The following SHISA9 variants were observed in gnomAD, a reference collection of about 807,000 sequenced individuals.
SHISA9 encodes the protein shisa family member 9, also known as protein shisa-9.
SHISA9 carries 13 observed loss-of-function variants against 38.0 expected under a neutral mutation model. That is an observed-to-expected ratio of 0.34 (90% CI 0.22 to 0.54). The LOEUF is 0.54. Among genes scored for constraint, SHISA9 ranks in the 20% least tolerant of loss-of-function variants. SHISA9 has a pLI of 0.91. For synonymous variants in SHISA9, 275 were observed against 242.0 expected (o/e 1.14, Z -1.27); for missense variants, 538 against 575.8 (o/e 0.93, Z 0.67).
the SHISA9 span, among the ~76,000 whole-genome samples, chr16:13,281,125 A>G: frequency 2.0e-5 from 3 of 151,856 alleles, no homozygotes; most frequent in Non-Finnish European, 4.4e-5. Context: ...TCTATGAGCC[A>G]GAGATGAAGA....
the SHISA9 span, among the ~76,000 whole-genome samples, chr16:13,299,286 A>G: frequency 2.0e-5 from 3 of 152,216 alleles, no homozygotes; most frequent in African/African-American, 7.2e-5. Context: ...TCAGATCATC[A>G]GGAATTAGAC....
At chr16:12,913,030 C>T (rs921836277) in intron 1 of SHISA9, among the ~76,000 whole-genome samples, 2 of 150,712 alleles carry the variant, frequency 1.3e-5, no homozygotes, top group Non-Finnish European at 2.9e-5. Flanking sequence ...TGATTTACAC[C>T]GAATCTCTCC....
intron 1 of SHISA9, among the ~76,000 whole-genome samples, chr16:12,915,351 C>T (rs994463956): frequency 3.3e-5 from 5 of 152,102 alleles, no homozygotes; most frequent in African/African-American, 1.2e-4. Flanking sequence ...GCCTGTGGTC[C>T]CAGCTATTCA....
chr16:13,534,204 C>G, the SHISA9 span, among the ~76,000 whole-genome samples: 1 of 150,246 alleles, frequency 6.7e-6, no homozygotes, highest in African/African-American at 2.4e-5. Flanking sequence ...CTCCATATGT[C>G]TCTTATCCAC....
the SHISA9 span, among the ~76,000 whole-genome samples, chr16:13,544,708 C>T: frequency 1.3e-5 from 2 of 151,884 alleles, no homozygotes; most frequent in Admixed American, 6.6e-5. Context: ...TTTGGGAGGC[C>T]GAGGTGGGCA....
intron 2 of SHISA9, among the ~76,000 whole-genome samples, chr16:13,052,958 T>C (rs547379121): frequency 3.5e-5 from 5 of 144,260 alleles, no homozygotes; most frequent in African/African-American, 1.4e-4. Flanking sequence ...TTCCTTCCTT[T>C]CTTTTTTTTT....
chr16:12,969,050 G>C (rs62029758), intron 2 of SHISA9, among the ~76,000 whole-genome samples: 25,724 of 151,696 alleles, frequency 0.17, 2,366 homozygotes, highest in East Asian at 0.31. Context: ...CCAGCTACTT[G>C]GAAGGCTGAG....
At chr16:13,506,246 T>G in the SHISA9 span, among the ~76,000 whole-genome samples, 6 of 152,110 alleles carry the variant, frequency 3.9e-5, no homozygotes, top group Non-Finnish European at 5.9e-5. Flanking sequence ...GACAACTATA[T>G]CCTGAGTATC....
rs534179539 is a variant in SHISA9 at position 12,943,487 on chromosome 16, A to G, written c.691+26672A>G. 2.0e-5 allele frequency among the ~76,000 whole-genome samples: 3 copies of G among 152,100 alleles called. No individual in the cohort carries two copies. The East Asian group carries it at 5.8e-4, about 29-fold the overall frequency. ...ATTTATATTTCCCTGTTTTGAATGT[A>G]TGATTGTTTATTTATATTTTACTTT... is the stretch of plus-strand genomic sequence containing the variant. On this transcript the variant is annotated intron_variant, in intron 2 of 4. Transcript: ENST00000558583.
chr16:13,213,265 G>C lies in SHISA9; in HGVS notation c.860G>C (p.Gly287Ala). The C allele has an allele frequency of 6.4e-7, 1 of 1,551,842 alleles. No individual in the cohort carries two copies. Residue 287 changes from glycine to alanine, a missense_variant, in exon 4 of 5, where the codon GGT (glycine) becomes GCT (alanine). By Grantham distance (60) the Gly-to-Ala change is moderately conservative. Around this residue, in one of 4 missense-constraint regions of SHISA9, gnomAD observed 326 missense variants for 305.9 expected, o/e 1.07. Coordinates refer to ENST00000558583, the MANE Select transcript of SHISA9 (RefSeq NM_001145204.3). ...ASLKAVGSSD[G>A]DWAVSTLKSP... ...GTTATTTTTTTAGGAAGTTCTGATG[G>C]TGACTGGGCAGTATCGACACTTAAG...
the SHISA9 span, among the ~76,000 whole-genome samples, chr16:13,434,764 T>G: frequency 6.6e-6 from 1 of 152,108 alleles, no homozygotes; most frequent in Non-Finnish European, 1.5e-5. Context: ...TAATTCTCAT[T>G]AGAATGAAGA....
chr16:13,529,606 G>A, the SHISA9 span, among the ~76,000 whole-genome samples: 19 of 152,304 alleles, frequency 1.2e-4, no homozygotes, highest in African/African-American at 4.6e-4. Context: ...TTTGGTTTGT[G>A]TTTTCCCTGG....
chr16:13,366,390 T>C, the SHISA9 span, among the ~76,000 whole-genome samples: 1 of 152,214 alleles, frequency 6.6e-6, no homozygotes, highest in African/African-American at 2.4e-5. Context: ...ATTTAGTAAA[T>C]ATATTTCAAA....
chr16:13,129,638 G>A (rs1432690228), intron 2 of SHISA9, among the ~76,000 whole-genome samples: 1 of 152,160 alleles, frequency 6.6e-6, no homozygotes, highest in Non-Finnish European at 1.5e-5. Flanking sequence ...ACACAGGTAG[G>A]GCTGTGTTTA....
chr16:13,000,516 C>A (rs1242052530), intron 2 of SHISA9, among the ~76,000 whole-genome samples: 1 of 152,144 alleles, frequency 6.6e-6, no homozygotes, highest in African/African-American at 2.4e-5. Flanking sequence ...TGGCTCTGGG[C>A]TACTGCAGAT....
intron 2 of SHISA9, among the ~76,000 whole-genome samples, chr16:13,010,075 G>A (rs2072651894): frequency 6.6e-6 from 1 of 152,124 alleles, no homozygotes. Flanking sequence ...CTACTCGGGA[G>A]GCTGAGGCAG....
chr16:13,407,922 C>A, the SHISA9 span, among the ~76,000 whole-genome samples: 3 of 152,136 alleles, frequency 2.0e-5, no homozygotes, highest in African/African-American at 7.2e-5. Context: ...CACAGAGAAG[C>A]CATGTAGAGA....
chr16:12,942,686 C>T (rs555529255), intron 2 of SHISA9, among the ~76,000 whole-genome samples: 78 of 152,270 alleles, frequency 5.1e-4, no homozygotes, highest in Middle Eastern at 3.4e-3. Flanking sequence ...TGTAGTTGAC[C>T]GAATTTCCCT....
At chr16:12,978,151 T>C (rs1385684804) in intron 2 of SHISA9, among the ~76,000 whole-genome samples, 1 of 152,082 alleles carries the variant, frequency 6.6e-6, no homozygotes, top group East Asian at 1.9e-4. Flanking sequence ...GGGATGCTTT[T>C]CTCCAGAAAA....
Sources: allele counts gnomAD v4.1 joint callset (sites outside exome capture counted in the v4.1 genomes callset), GRCh38; gene constraint gnomAD v4.1.1; regional missense constraint gnomAD v4.1.1; transcripts MANE v1.5; gene names NCBI Gene and HGNC (gene_info 2026-07-23, HGNC 2026-07-21).